Variants in CFAP299 observed in about 807,000 individuals in gnomAD.
CFAP299 encodes the protein cilia and flagella associated protein 299, also known as cilia- and flagella-associated protein 299.
In CFAP299, 21 loss-of-function variants were observed where a neutral mutation model predicts 27.0. The ratio of observed to expected loss-of-function variants is 0.78; its 90% CI spans 0.55 to 1.12. The LOEUF is 1.12. Among genes scored for constraint, CFAP299 ranks in the 50% most tolerant of loss-of-function variants. The probability of loss-of-function intolerance (pLI) is 0.00; values close to 1 mark genes in which losing one functional copy is unlikely to be tolerated. For missense variants in CFAP299, 310 were observed against 276.6 expected (o/e 1.12, Z -0.86); for synonymous variants, 104 against 98.1 (o/e 1.06, Z -0.36).
At position 80,762,519 on chromosome 4, in the gene CFAP299, A is replaced by G. The variant is rs185349718; in HGVS notation, c.334-107474A>G. 2.6e-5 allele frequency among the ~76,000 whole-genome samples: 4 copies of G among 152,264 alleles called. No homozygotes were observed. The East Asian group carries it at 7.7e-4, about 29-fold the overall frequency. ...GGTGAAGTGTGATGGAAATAAGGTT[A>G]GTAATTTTAATTTCAGTAAGTTAGA... On this transcript the variant is annotated intron_variant, in intron 3 of 5. Coordinates refer to ENST00000358105, the MANE Select transcript of CFAP299 (RefSeq NM_152770.3).
intron 3 of CFAP299, among the ~76,000 whole-genome samples, chr4:80,826,665 A>C (rs1730006873): frequency 6.6e-6 from 1 of 151,784 alleles, no homozygotes; most frequent in African/African-American, 2.4e-5. Flanking sequence ...AAAGAAGATA[A>C]GTAAGATAAT....
At chr4:80,345,275 T>G (rs1722669225) in intron 1 of CFAP299, among the ~76,000 whole-genome samples, 1 of 151,764 alleles carries the variant, frequency 6.6e-6, no homozygotes, top group African/African-American at 2.4e-5. Context: ...TTTTTGTTAT[T>G]ATTATTATTA....
chr4:80,663,905 CAT>C (rs1302040143), intron 3 of CFAP299, among the ~76,000 whole-genome samples: 2 of 151,842 alleles, frequency 1.3e-5, no homozygotes, highest in Non-Finnish European at 2.9e-5. Context: ...AGTTTTTTTT[CAT>C]ATGTTTGTTG....
At chr4:80,447,129 T>TTG (rs1560571589) in intron 2 of CFAP299, among the ~76,000 whole-genome samples, 1 of 110,282 alleles carries the variant, frequency 9.1e-6, no homozygotes, top group Non-Finnish European at 1.8e-5. Context: ...GTTTTTTTTT[T>TTG]GTTTTTTTTT....
At chr4:80,684,398 G>A (rs1233531975) in intron 3 of CFAP299, among the ~76,000 whole-genome samples, 1 of 151,886 alleles carries the variant, frequency 6.6e-6, no homozygotes, top group East Asian at 1.9e-4. Flanking sequence ...TGAGTAGCCG[G>A]GACTATAGGC....
intron 2 of CFAP299, among the ~76,000 whole-genome samples, chr4:80,545,581 G>T (rs759678651): frequency 1.6e-4 from 25 of 152,156 alleles, no homozygotes; most frequent in Non-Finnish European, 4.4e-5. Flanking sequence ...CCAATAATTT[G>T]TTCTGAAATT....
At chr4:80,362,361 G>A (rs572463568) in intron 1 of CFAP299, among the ~76,000 whole-genome samples, 1 of 149,494 alleles carries the variant, frequency 6.7e-6, no homozygotes, top group Non-Finnish European at 1.5e-5. Context: ...TTTTGCCATT[G>A]GTTTTTAAAA....
intron 3 of CFAP299, among the ~76,000 whole-genome samples, chr4:80,591,005 A>AAT (rs1324294908): frequency 6.6e-6 from 1 of 151,708 alleles, no homozygotes; most frequent in Non-Finnish European, 1.5e-5. Flanking sequence ...TAGTTATGTT[A>AAT]ATAAATATTT....
intron 2 of CFAP299, among the ~76,000 whole-genome samples, chr4:80,458,632 A>G (rs1379021442): frequency 2.6e-5 from 4 of 152,316 alleles, no homozygotes; most frequent in African/African-American, 9.6e-5. Flanking sequence ...CAAGCCAAAT[A>G]AGACTTCTGC....
intron 2 of CFAP299, among the ~76,000 whole-genome samples, chr4:80,552,898 G>A (rs1293749069): frequency 6.6e-6 from 1 of 152,094 alleles, no homozygotes; most frequent in East Asian, 1.9e-4. Flanking sequence ...ATGTTTTCCA[G>A]GCTGGTCTTG....
intron 3 of CFAP299, among the ~76,000 whole-genome samples, chr4:80,619,760 G>A (rs1738478537): frequency 6.6e-6 from 1 of 151,892 alleles, no homozygotes; most frequent in Non-Finnish European, 1.5e-5. Context: ...TTTAAAATAT[G>A]CTTTCACACA....
At chr4:80,961,244 A>G (rs13102707) in intron 5 of CFAP299, among the ~76,000 whole-genome samples, 11,383 of 151,730 alleles carry the variant, frequency 0.075, 544 homozygotes, top group South Asian at 0.19. Context: ...AGAAAAACAA[A>G]CCCAAGTAGA....
intron 3 of CFAP299, chr4:80,790,318 C>A (rs759878861): frequency 1.3e-5 from 2 of 152,002 alleles, no homozygotes; most frequent in Non-Finnish European, 2.9e-5. Context: ...AATTTCACAA[C>A]CCTCAAAGGT....
chr4:80,774,343 T>G (rs918765898), intron 3 of CFAP299, among the ~76,000 whole-genome samples: 1 of 152,040 alleles, frequency 6.6e-6, no homozygotes, highest in South Asian at 2.1e-4. Flanking sequence ...AAAATAATAA[T>G]AATATTAACT....
intron 2 of CFAP299, among the ~76,000 whole-genome samples, chr4:80,530,379 A>G (rs982162029): frequency 4.6e-5 from 7 of 152,052 alleles, no homozygotes; most frequent in Non-Finnish European, 4.4e-5. Flanking sequence ...TAATATAGGT[A>G]CTCTCCTGCT....
intron 2 of CFAP299, among the ~76,000 whole-genome samples, chr4:80,492,243 C>G (rs185345662): frequency 6.6e-6 from 1 of 152,128 alleles, no homozygotes; most frequent in Non-Finnish European, 1.5e-5. Flanking sequence ...AGCTGTGCCC[C>G]GACCACCTTG....
intron 2 of CFAP299, among the ~76,000 whole-genome samples, chr4:80,462,244 T>C (rs570505815): frequency 6.6e-6 from 1 of 151,364 alleles, no homozygotes; most frequent in East Asian, 1.9e-4. Context: ...TCAATTCTCT[T>C]CTTATTAAAA....
intron 2 of CFAP299, among the ~76,000 whole-genome samples, chr4:80,511,587 C>T (rs1020350764): frequency 1.3e-5 from 2 of 152,008 alleles, no homozygotes; most frequent in African/African-American, 4.8e-5. Context: ...TCAGTAGTTA[C>T]TAACAATGAA....
intron 2 of CFAP299, among the ~76,000 whole-genome samples, chr4:80,425,233 C>A (rs1389462780): frequency 6.6e-6 from 1 of 152,072 alleles, no homozygotes; most frequent in African/African-American, 2.4e-5. Flanking sequence ...ATTTTTTAAC[C>A]TCTTGCAAGG....
Sources: allele counts gnomAD v4.1 joint callset (sites outside exome capture counted in the v4.1 genomes callset), GRCh38; gene constraint gnomAD v4.1.1; transcripts MANE v1.5; gene names NCBI Gene and HGNC (gene_info 2026-07-23, HGNC 2026-07-21).